Variants in MAP3K20 observed in about 807,000 individuals in gnomAD.
MAP3K20 encodes the protein mitogen-activated protein kinase kinase kinase 20, also known as HCCS-4.
MAP3K20 carries 40 observed loss-of-function variants against 85.7 expected under a neutral mutation model. The ratio of observed to expected loss-of-function variants is 0.47; its 90% CI spans 0.36 to 0.61. The LOEUF is 0.61. Ranked by LOEUF, MAP3K20 falls within the 20% of genes least tolerant of loss-of-function variation. The pLI is 0.00. For synonymous variants in MAP3K20, 325 were observed against 327.7 expected, an observed-to-expected ratio of 0.99 and a Z score of 0.09; for missense variants, 817 against 961.7, an observed-to-expected ratio of 0.85 and a Z score of 1.99.
chr2:173,176,104 T>C (rs1417285902), intron 3 of MAP3K20, among the ~76,000 whole-genome samples: 1 of 152,162 alleles, frequency 6.6e-6, no homozygotes, highest in Non-Finnish European at 1.5e-5. Flanking sequence ...TCTTTTTATC[T>C]CCTTTAAAGA....
At chr2:173,168,130 ATTAT>A (rs1030501086) in intron 2 of MAP3K20, among the ~76,000 whole-genome samples, 2 of 149,804 alleles carry the variant, frequency 1.3e-5, no homozygotes, top group Admixed American at 6.7e-5. Context: ...AAACTTTATT[ATTAT>A]TTATTATTAT....
At chr2:173,239,953 A>G (rs1426246629) in intron 16 of MAP3K20, among the ~76,000 whole-genome samples, 2 of 152,224 alleles carry the variant, frequency 1.3e-5, no homozygotes, top group Non-Finnish European at 2.9e-5. Flanking sequence ...TAAGCCTCTC[A>G]GTTTATGTCA....
intron 17 of MAP3K20, among the ~76,000 whole-genome samples, chr2:173,259,463 TAGA>T (rs1191924007): frequency 6.6e-6 from 1 of 152,228 alleles, no homozygotes; most frequent in Non-Finnish European, 1.5e-5. Flanking sequence ...ACTTCAATTG[TAGA>T]AGGTCAACAA....
intron 2 of MAP3K20, among the ~76,000 whole-genome samples, chr2:173,107,650 T>C (rs547455360): frequency 4.3e-4 from 65 of 152,358 alleles, no homozygotes; most frequent in African/African-American, 1.5e-3. Flanking sequence ...GCCTGGGCTT[T>C]AGCGTCAGAC....
intron 11 of MAP3K20, chr2:173,224,080 A>G: frequency 1.1e-6 from 1 of 908,806 alleles, no homozygotes. Context: ...GTGAGTGAAG[A>G]TCGATGATAA....
intron 2 of MAP3K20, among the ~76,000 whole-genome samples, chr2:173,134,600 G>C (rs1336895519): frequency 6.7e-6 from 1 of 149,612 alleles, no homozygotes; most frequent in Non-Finnish European, 1.5e-5. Flanking sequence ...GTCTTAGTTA[G>C]AGGTTGCTTT....
intron 1 of MAP3K20, among the ~76,000 whole-genome samples, chr2:173,083,544 A>G (rs906357142): frequency 2.0e-5 from 3 of 152,076 alleles, no homozygotes; most frequent in African/African-American, 7.2e-5. Context: ...TAGTGATTAA[A>G]AAAAAATAGT....
chr2:173,193,980 T>C (rs1007560022), intron 7 of MAP3K20, among the ~76,000 whole-genome samples: 4 of 152,210 alleles, frequency 2.6e-5, no homozygotes, highest in African/African-American at 9.6e-5. Flanking sequence ...ATTTACACAC[T>C]GGATGTTGCT....
chr2:173,088,939 TTA>T (rs1357579790), intron 1 of MAP3K20, among the ~76,000 whole-genome samples: 1 of 152,204 alleles, frequency 6.6e-6, no homozygotes, highest in Admixed American at 6.5e-5. Context: ...CTTCTAAACT[TTA>T]GAGGATGAAC....
intron 9 of MAP3K20, among the ~76,000 whole-genome samples, chr2:173,205,191 A>T (rs573874939): frequency 7.2e-4 from 110 of 152,132 alleles, no homozygotes; most frequent in Non-Finnish European, 1.3e-3. Context: ...ACACTCAAGA[A>T]AGGAACAAAA....
At chr2:173,252,258 CAA>C (rs989598767) in intron 16 of MAP3K20, among the ~76,000 whole-genome samples, 21 of 152,194 alleles carry the variant, frequency 1.4e-4, no homozygotes, top group African/African-American at 5.1e-4. Flanking sequence ...TGATTTCTCA[CAA>C]AGAGATACTT....
At chr2:173,091,819 G>T (rs890641997) in intron 2 of MAP3K20, among the ~76,000 whole-genome samples, 6 of 152,138 alleles carry the variant, frequency 3.9e-5, no homozygotes, top group Non-Finnish European at 5.9e-5. Flanking sequence ...AGAGTTCTTA[G>T]AACTGTCATC....
At chr2:173,241,876 G>A (rs1053197733) in intron 16 of MAP3K20, among the ~76,000 whole-genome samples, 3 of 152,162 alleles carry the variant, frequency 2.0e-5, no homozygotes, top group African/African-American at 7.2e-5. Context: ...ATGGATCACT[G>A]TCTATTCATT....
At chr2:173,077,558 A>G (rs1427612847) in intron 1 of MAP3K20, among the ~76,000 whole-genome samples, 1 of 152,158 alleles carries the variant, frequency 6.6e-6, no homozygotes, top group African/African-American at 2.4e-5. Context: ...GGACCACTGC[A>G]CTGTTTATTT....
intron 2 of MAP3K20, among the ~76,000 whole-genome samples, chr2:173,097,614 C>T (rs1687501304): frequency 6.6e-6 from 1 of 152,118 alleles, no homozygotes; most frequent in Non-Finnish European, 1.5e-5. Context: ...TAAGACACCA[C>T]TACCCTTATT....
chr2:173,266,275 T>C lies in MAP3K20; in HGVS notation c.1928T>C (p.Leu643Pro). Residue 643 changes from leucine (L) to proline (P), a missense_variant, in exon 20 of 20, where the codon CTG (leucine) becomes CCG (proline). Leu to Pro is a moderately conservative substitution (Grantham distance 98). Around this residue, in one of 4 missense-constraint regions of MAP3K20, gnomAD observed 454 missense variants for 476.9 expected, o/e 0.95. Coordinates refer to ENST00000375213, the MANE Select transcript of MAP3K20 (RefSeq NM_016653.3). ...AGCTCGTCTCCTACTCAGTATGGAC[T>C]GACCAAAAACTTCTCTTCCCTACAT... ...SRSSSPTQYG[L>P]TKNFSSLHLN... 1 of 1,614,140 alleles carries C rather than the reference T, an allele frequency of 6.2e-7. No homozygotes were observed. Among genetic ancestry groups the C allele is most frequent in the East Asian group, 2.2e-5 (1 of 44,886 alleles).
intron 2 of MAP3K20, among the ~76,000 whole-genome samples, chr2:173,099,548 T>A (rs1687571959): frequency 6.6e-6 from 1 of 152,148 alleles, no homozygotes; most frequent in South Asian, 2.1e-4. Flanking sequence ...ACTGTTCTTC[T>A]GCATTACTTT....
At chr2:173,142,058 GT>G (rs1319500696) in intron 2 of MAP3K20, among the ~76,000 whole-genome samples, 1 of 152,156 alleles carries the variant, frequency 6.6e-6, no homozygotes, top group Non-Finnish European at 1.5e-5. Context: ...TTTAGTTATG[GT>G]TAATATTAGG....
chr2:173,108,989 A>AG (rs1687864757), intron 2 of MAP3K20, among the ~76,000 whole-genome samples: 1 of 152,230 alleles, frequency 6.6e-6, no homozygotes, highest in Admixed American at 6.5e-5. Context: ...GTTTTCAATC[A>AG]TGCAAAGTAC....
Sources: gnomAD v4.1 joint callset for allele counts (sites outside exome capture counted in the v4.1 genomes callset) on GRCh38, gnomAD v4.1.1 for gene constraint, gnomAD v4.1.1 regional missense constraint, MANE v1.5 for transcripts, NCBI Gene and HGNC (gene_info 2026-07-23, HGNC 2026-07-21) for gene names.